RGS21: variants seen among roughly 807,000 people sequenced by gnomAD.
The protein encoded by RGS21 is regulator of G-protein signalling 21.
Under a neutral mutation model 18.7 loss-of-function variants are expected in RGS21, and 19 were observed. The observed-to-expected ratio is 1.01, with a 90% CI of 0.71 to 1.49. The LOEUF is 1.49. Among genes scored for constraint, RGS21 ranks in the 40% most tolerant of loss-of-function variants. The probability of loss-of-function intolerance (pLI) is 0.00; values close to 1 mark genes in which losing one functional copy is unlikely to be tolerated. For missense variants in RGS21, 194 were observed against 176.8 expected, an observed-to-expected ratio of 1.10 and a Z score of -0.55; for synonymous variants, 56 against 57.8, an observed-to-expected ratio of 0.97 and a Z score of 0.14.
rs151246915 is a variant in RGS21, at chr1:192,329,186, A to G, written c.-61+12081A>G. On this transcript the variant is annotated intron_variant, in intron 1 of 4. Coordinates refer to ENST00000417209, the MANE Select transcript of RGS21 (RefSeq NM_001039152.3). ...TATTGTCAGGTTTAACTGGAAATAA[A>G]TTGATAACACCTCAGTGAATTCAGT... Among the ~76,000 whole-genome samples, 9 of 152,246 alleles carry G rather than the reference A, an allele frequency of 5.9e-5. No homozygotes were observed. The East Asian group carries it at 1.7e-3, about 29-fold the overall frequency.
At chr1:192,338,173 T>G (rs1658801220) in intron 1 of RGS21, among the ~76,000 whole-genome samples, 1 of 152,122 alleles carries the variant, frequency 6.6e-6, no homozygotes, top group Non-Finnish European at 1.5e-5. Context: ...GCTCAAAACA[T>G]TTCTAACTTC....
chr1:192,330,313 G>A (rs190817108), intron 1 of RGS21, among the ~76,000 whole-genome samples: 16 of 152,310 alleles, frequency 1.1e-4, no homozygotes, highest in African/African-American at 3.4e-4. Flanking sequence ...GACAACTAAA[G>A]ACGGTGAGGT....
At chr1:192,353,977 CAT>C (rs1038254152) in intron 4 of RGS21, among the ~76,000 whole-genome samples, 3 of 151,334 alleles carry the variant, frequency 2.0e-5, no homozygotes, top group African/African-American at 7.3e-5. Context: ...TTTATATATA[CAT>C]ATATATATGA....
At chr1:192,324,465 T>C (rs1250033282) in intron 1 of RGS21, among the ~76,000 whole-genome samples, 1 of 152,098 alleles carries the variant, frequency 6.6e-6, no homozygotes, top group African/African-American at 2.4e-5. Flanking sequence ...GTATCAAGCA[T>C]ATGACTTCTT....
At chr1:192,339,933 CAAAT>C (rs1204379422) in intron 1 of RGS21, among the ~76,000 whole-genome samples, 1 of 151,690 alleles carries the variant, frequency 6.6e-6, no homozygotes, top group African/African-American at 2.4e-5. Flanking sequence ...TTGTAATTGA[CAAAT>C]AAAACATATA....
At chr1:192,356,023 GTTT>G (rs1659106965) in intron 4 of RGS21, among the ~76,000 whole-genome samples, 1 of 151,648 alleles carries the variant, frequency 6.6e-6, no homozygotes, top group African/African-American at 2.4e-5. Context: ...CACATTGGTA[GTTT>G]TTTAAGTCAA....
intron 4 of RGS21, among the ~76,000 whole-genome samples, chr1:192,353,287 A>T (rs995684394): frequency 8.6e-5 from 13 of 151,964 alleles, no homozygotes; most frequent in Non-Finnish European, 1.6e-4. Flanking sequence ...ATATTAGTCT[A>T]GTATAGCATT....
chr1:192,353,712 C>T (rs1353099177), intron 4 of RGS21, among the ~76,000 whole-genome samples: 2 of 151,388 alleles, frequency 1.3e-5, no homozygotes, highest in Non-Finnish European at 3.0e-5. Flanking sequence ...ATTTATTTTC[C>T]TAACCTTTTC....
intron 1 of RGS21, among the ~76,000 whole-genome samples, chr1:192,339,155 G>A (rs959350355): frequency 1.3e-5 from 2 of 151,646 alleles, no homozygotes; most frequent in East Asian, 3.9e-4. Context: ...TAACTGTTAT[G>A]GTGTTTTTCC....
intron 4 of RGS21, among the ~76,000 whole-genome samples, chr1:192,361,450 A>C (rs1363243908): frequency 6.6e-6 from 1 of 152,184 alleles, no homozygotes; most frequent in African/African-American, 2.4e-5. Flanking sequence ...TATTGAATCC[A>C]TCTGTAGTGA....
At chr1:192,319,760 C>A (rs1041657241) in intron 1 of RGS21, among the ~76,000 whole-genome samples, 1 of 152,116 alleles carries the variant, frequency 6.6e-6, no homozygotes, top group Non-Finnish European at 1.5e-5. Context: ...AGAACTTCTG[C>A]TACAATGTGT....
chr1:192,340,193 T>C (rs935377324), intron 1 of RGS21, among the ~76,000 whole-genome samples: 1 of 152,124 alleles, frequency 6.6e-6, no homozygotes, highest in Non-Finnish European at 1.5e-5. Context: ...GAAATTCCCA[T>C]TGATTGCATG....
At chr1:192,352,243 G>T in intron 4 of RGS21, 30 bp downstream of exon 4, 1 of 1,533,250 alleles carries the variant, frequency 6.5e-7, no homozygotes, top group African/African-American at 1.4e-5. Context: ...ACAGTGAAGA[G>T]TCATCCTGTA....
Position 192,333,628 on chromosome 1 carries a change from CAA to C in RGS21, c.-60-9322_-60-9321del, listed in dbSNP as rs376989840. ...TATTTTTATAATATTCTCAAAATGA[CAA>C]AAAAAAAAAAAAAAAAAAAAAAAAA... On this transcript the variant is annotated intron_variant, in intron 1 of 4. Transcript: ENST00000417209. Among the ~76,000 whole-genome samples, 328 of 102,366 alleles carry C rather than the reference CAA, an allele frequency of 3.2e-3. 2 individuals are homozygous for C. The highest frequency in any genetic ancestry group is 9.1e-3 in the African/African-American group (264 of 29,108). The allele number at this position is 102,366 out of a possible 152,430, so 67.2% of individuals were successfully genotyped here.
chr1:192,317,437 G>A (rs1658436648), intron 1 of RGS21, among the ~76,000 whole-genome samples: 1 of 150,528 alleles, frequency 6.6e-6, no homozygotes, highest in Non-Finnish European at 1.5e-5. Context: ...TTTAAAGCTA[G>A]AAGAAATGTA....
intron 4 of RGS21, among the ~76,000 whole-genome samples, chr1:192,360,730 A>T (rs1158835932): frequency 2.0e-5 from 3 of 152,044 alleles, no homozygotes; most frequent in Non-Finnish European, 4.4e-5. Flanking sequence ...GCCTTTTGTG[A>T]TTTATCTTTC....
chr1:192,320,075 G>A (rs141341248), intron 1 of RGS21, among the ~76,000 whole-genome samples: 27 of 152,116 alleles, frequency 1.8e-4, no homozygotes, highest in African/African-American at 2.6e-4. Flanking sequence ...TTTTAAAACC[G>A]CAATACCAGA....
At chr1:192,347,204 T>G in intron 2 of RGS21, 109 bp from the exon 3 acceptor site, 2 of 688,256 alleles carry the variant, frequency 2.9e-6, no homozygotes, top group South Asian at 4.1e-5. Context: ...TTTGGCTGTT[T>G]GATTAACAGC....
rs1659221200 is a variant in RGS21, at chr1:192,363,956, AG to A, written c.256-1964del. On this transcript the variant is annotated intron_variant, in intron 4 of 4. Transcript: ENST00000417209. ...TTGGTTTTGTTTCCCCAAATACAGC[AG>A]CATCTTGTACATAACAGACACTCAA... Among the ~76,000 whole-genome samples the A allele has an allele frequency of 3.9e-5, 6 of 152,294 alleles. No individual in the cohort carries two copies. The South Asian group carries it at 1.0e-3, about 26-fold the overall frequency.
Sources: gnomAD v4.1 joint callset for allele counts (sites outside exome capture counted in the v4.1 genomes callset) on GRCh38, gnomAD v4.1.1 for gene constraint, MANE v1.5 for transcripts, NCBI Gene and HGNC (gene_info 2026-07-23, HGNC 2026-07-21) for gene names.